Variants in BRINP3 observed in about 807,000 individuals in gnomAD.
BRINP3 encodes the protein BMP/retinoic acid inducible neural specific 3, also known as BMP/retinoic acid-inducible neural-specific protein 3.
BRINP3 carries 19 observed loss-of-function variants against 71.0 expected under a neutral mutation model. That is an observed-to-expected ratio of 0.27 (90% CI 0.19 to 0.39). BRINP3 has a LOEUF of 0.39. BRINP3 is among the 10% of genes least tolerant of loss of function. BRINP3 has a pLI of 1.00. For synonymous variants in BRINP3, 380 were observed against 337.7 expected, an observed-to-expected ratio of 1.13 and a Z score of -1.37; for missense variants, 959 against 940.8, an observed-to-expected ratio of 1.02 and a Z score of -0.25.
At chr1:190,114,190 C>T (rs1472947746) in intron 7 of BRINP3, among the ~76,000 whole-genome samples, 3 of 152,106 alleles carry the variant, frequency 2.0e-5, no homozygotes, top group Non-Finnish European at 4.4e-5. Flanking sequence ...TCTCTTGCTC[C>T]TGCTTTCGCC....
Position 190,454,892 on chromosome 1 carries a change from C to G in BRINP3, c.-2G>C, listed in dbSNP as rs1318448972. On this transcript the variant is annotated 5_prime_UTR_variant, in exon 2 of 8. Transcript: ENST00000367462. Reference sequence around the variant, plus strand: ...ACCAGCTCTGCTTCGCCATATCATGCTTCCACTGGGGATTTAGAGCCTTCA... The same window carrying G: ...ACCAGCTCTGCTTCGCCATATCATGGTTCCACTGGGGATTTAGAGCCTTCA... The G allele has an allele frequency of 4.3e-6, 7 of 1,612,634 alleles. No homozygotes were observed. Among genetic ancestry groups the G allele is most frequent in the African/African-American group, 1.3e-5 (1 of 75,046 alleles).
At chr1:190,215,268 A>G (rs1257228512) in intron 6 of BRINP3, among the ~76,000 whole-genome samples, 1 of 151,850 alleles carries the variant, frequency 6.6e-6, no homozygotes, top group Non-Finnish European at 1.5e-5. Context: ...GGATATCAAT[A>G]TAAGCTCAAT....
At chr1:190,468,977 T>G (rs1676950171) in intron 1 of BRINP3, among the ~76,000 whole-genome samples, 1 of 150,992 alleles carries the variant, frequency 6.6e-6, no homozygotes, top group Admixed American at 6.6e-5. Context: ...ATGCTGTCTT[T>G]GAGTTACTCC....
intron 2 of BRINP3, among the ~76,000 whole-genome samples, chr1:190,338,604 G>T (rs1391279854): frequency 6.6e-6 from 1 of 151,886 alleles, no homozygotes; most frequent in Non-Finnish European, 1.5e-5. Flanking sequence ...GATGTTAAAC[G>T]GAAATACACT....
Position 190,120,281 on chromosome 1 carries a change from C to T in BRINP3, c.1185-21147G>A, listed in dbSNP as rs185594333. Among the ~76,000 whole-genome samples the T allele has an allele frequency of 3.3e-5, 5 of 152,072 alleles. No individual in the cohort carries two copies. The East Asian group carries it at 9.7e-4, about 30-fold the overall frequency. Reference sequence around the variant, plus strand: ...ATTGCAGCCAATTCACAGTAAAGTACTTCATAATAAAATTTTACTATTCCA... The same window carrying T: ...ATTGCAGCCAATTCACAGTAAAGTATTTCATAATAAAATTTTACTATTCCA... On this transcript the variant is annotated intron_variant, in intron 7 of 7. Coordinates refer to ENST00000367462, the MANE Select transcript of BRINP3 (RefSeq NM_199051.3).
intron 2 of BRINP3, among the ~76,000 whole-genome samples, chr1:190,305,462 G>C (rs1665029137): frequency 6.6e-6 from 1 of 151,596 alleles, no homozygotes; most frequent in Non-Finnish European, 1.5e-5. Flanking sequence ...GAATGAACCT[G>C]GAGTATATTA....
intron 2 of BRINP3, among the ~76,000 whole-genome samples, chr1:190,405,222 C>T (rs540153555): frequency 2.8e-4 from 42 of 151,904 alleles, no homozygotes; most frequent in South Asian, 1.2e-3. Flanking sequence ...GAGGCCGAGG[C>T]GGGCGGATCA....
chr1:190,411,580 A>T (rs756605358), intron 2 of BRINP3, among the ~76,000 whole-genome samples: 8 of 152,152 alleles, frequency 5.3e-5, no homozygotes, highest in Non-Finnish European at 8.8e-5. Flanking sequence ...GAATTTTTTT[A>T]AATTTGAAAT....
intron 2 of BRINP3, among the ~76,000 whole-genome samples, chr1:190,371,684 A>C (rs1034904817): frequency 6.6e-6 from 1 of 152,162 alleles, no homozygotes; most frequent in South Asian, 2.1e-4. Context: ...TTTTAGGATT[A>C]AGTTTTTCTA....
At chr1:190,115,244 A>G (rs1557979423) in intron 7 of BRINP3, among the ~76,000 whole-genome samples, 1 of 152,186 alleles carries the variant, frequency 6.6e-6, no homozygotes, top group Non-Finnish European at 1.5e-5. Context: ...ATTTGCCTAT[A>G]TTCAATTTAG....
At chr1:190,205,547 A>G (rs182064632) in intron 6 of BRINP3, among the ~76,000 whole-genome samples, 1 of 152,086 alleles carries the variant, frequency 6.6e-6, no homozygotes, top group Admixed American at 6.6e-5. Flanking sequence ...CTGTCCATTA[A>G]GCAGGTCAGA....
intron 6 of BRINP3, among the ~76,000 whole-genome samples, chr1:190,205,922 AT>A (rs143117227): frequency 2.6e-4 from 40 of 151,182 alleles, no homozygotes; most frequent in South Asian, 6.3e-4. Context: ...ATGAGAGTTT[AT>A]TTTTTTTTCC....
intron 2 of BRINP3, among the ~76,000 whole-genome samples, chr1:190,294,679 C>A (rs1295441437): frequency 1.9e-4 from 29 of 152,018 alleles, no homozygotes; most frequent in Admixed American, 1.9e-3. Flanking sequence ...TACTTGGAGG[C>A]ATGCATCAAT....
At chr1:190,257,933 G>T (rs978550506) in intron 4 of BRINP3, among the ~76,000 whole-genome samples, 11 of 152,154 alleles carry the variant, frequency 7.2e-5, no homozygotes, top group African/African-American at 2.2e-4. Flanking sequence ...AGGCTACATG[G>T]GGGGTCAGGG....
At chr1:190,322,857 T>C (rs545810287) in intron 2 of BRINP3, among the ~76,000 whole-genome samples, 1 of 152,166 alleles carries the variant, frequency 6.6e-6, no homozygotes, top group Non-Finnish European at 1.5e-5. Flanking sequence ...ATGTTCTGAG[T>C]ACTCATTAAG....
At chr1:190,142,423 A>C (rs1227515719) in intron 7 of BRINP3, among the ~76,000 whole-genome samples, 1 of 152,200 alleles carries the variant, frequency 6.6e-6, no homozygotes, top group Admixed American at 6.5e-5. Flanking sequence ...CTAGAGCTGA[A>C]AACAGAGTTA....
At chr1:190,188,614 T>C (rs1396204648) in intron 6 of BRINP3, among the ~76,000 whole-genome samples, 3 of 152,002 alleles carry the variant, frequency 2.0e-5, no homozygotes, top group East Asian at 1.9e-4. Context: ...AAAACATCAT[T>C]TTTTTTTCTT....
rs141418514 is a variant in BRINP3 at position 190,264,955 on chromosome 1, C to A, written c.528G>T (p.Thr176=). Residue 176 remains threonine, a synonymous_variant, in exon 4 of 8, where the codon ACG becomes ACT. Coordinates refer to ENST00000367462, the MANE Select transcript of BRINP3 (RefSeq NM_199051.3). ...AATAAGAAGCGGCTAGCTGATGTAG[C>A]GTCTCCAGAGTGACCGAAGAGCTAT... The part of the protein sequence containing the change: ...TTNSSSVTLE[T]LHQLAASYFI... 1.9e-6 allele frequency: 3 copies of A among 1,613,260 alleles called. No homozygotes were observed. The highest frequency in any genetic ancestry group is 3.3e-5 in the Admixed American group (2 of 59,856).
intron 4 of BRINP3, among the ~76,000 whole-genome samples, chr1:190,259,343 A>G (rs1240772217): frequency 6.6e-6 from 1 of 151,690 alleles, no homozygotes; most frequent in Non-Finnish European, 1.5e-5. Context: ...AACATCCTAA[A>G]ATCAACTAAT....
Sources: allele counts gnomAD v4.1 joint callset (sites outside exome capture counted in the v4.1 genomes callset), GRCh38; gene constraint gnomAD v4.1.1; transcripts MANE v1.5; gene names NCBI Gene and HGNC (gene_info 2026-07-23, HGNC 2026-07-21).